NRG1: variants seen among roughly 807,000 people sequenced by gnomAD.
The protein encoded by NRG1 is pro-neuregulin-1, membrane-bound isoform.
NRG1 carries 18 observed loss-of-function variants against 63.8 expected under a neutral mutation model. That is an observed-to-expected ratio of 0.28 (90% CI 0.19 to 0.42). NRG1 has a LOEUF of 0.42. Among genes scored for constraint, NRG1 ranks in the 10% least tolerant of loss-of-function variants. The pLI is 1.00. For missense variants in NRG1, 762 were observed against 814.7 expected (o/e 0.94, Z 0.79); for synonymous variants, 302 against 301.3 (o/e 1.00, Z -0.02).
chr8:32,104,025 C>T (rs1372324679), intron 1 of NRG1, among the ~76,000 whole-genome samples: 1 of 152,082 alleles, frequency 6.6e-6, no homozygotes, highest in Middle Eastern at 3.2e-3. Context: ...TTCTGGATTC[C>T]AAATATAGAC....
chr8:31,775,882 CAAAAA>C (rs71208140), intron 1 of NRG1, among the ~76,000 whole-genome samples: 9 of 72,200 alleles, frequency 1.2e-4, no homozygotes, highest in African/African-American at 4.5e-4. Context: ...GACTCCGTCT[CAAAAA>C]AAAAAAAAAA....
intron 1 of NRG1, among the ~76,000 whole-genome samples, chr8:32,332,514 A>G (rs1802774718): frequency 6.6e-6 from 1 of 152,150 alleles, no homozygotes; most frequent in African/African-American, 2.4e-5. Flanking sequence ...CACCATTACA[A>G]TGCATTATTT....
intron 5 of NRG1, among the ~76,000 whole-genome samples, chr8:32,715,122 A>G (rs1316360465): frequency 6.6e-6 from 1 of 151,990 alleles, no homozygotes; most frequent in Non-Finnish European, 1.5e-5. Flanking sequence ...ATGCTCAGCT[A>G]ATTTTTAAAA....
chr8:32,205,132 T>A (rs557684557), intron 1 of NRG1, among the ~76,000 whole-genome samples: 1 of 152,288 alleles, frequency 6.6e-6, no homozygotes, highest in South Asian at 2.1e-4. Context: ...GGCTTAGAGA[T>A]GTGTAGGAAA....
intron 1 of NRG1, among the ~76,000 whole-genome samples, chr8:31,872,421 C>A (rs370893126): frequency 6.6e-6 from 1 of 152,088 alleles, no homozygotes; most frequent in Non-Finnish European, 1.5e-5. Flanking sequence ...TACTTCCTCA[C>A]GGCAGCCTTG....
chr8:32,331,707 A>G (rs555472295), intron 1 of NRG1, among the ~76,000 whole-genome samples: 1 of 152,336 alleles, frequency 6.6e-6, no homozygotes, highest in African/African-American at 2.4e-5. Flanking sequence ...GTAACAAGTT[A>G]GTGACTGGGT....
At chr8:32,113,219 G>C (rs1307825105) in intron 1 of NRG1, among the ~76,000 whole-genome samples, 1 of 152,206 alleles carries the variant, frequency 6.6e-6, no homozygotes, top group Non-Finnish European at 1.5e-5. Context: ...CTGCTAGCTA[G>C]ATTTAGCCAT....
rs1474082288 is a variant in NRG1 at position 32,263,469 on chromosome 8, GC to G, written c.38-332353del. 2.0e-5 allele frequency among the ~76,000 whole-genome samples: 3 copies of G among 152,194 alleles called. No individual in the cohort carries two copies. In the South Asian group the frequency reaches 6.2e-4, roughly 32 times the overall value. ...ATGGAATTTCATTTCCACAGTGAGA[GC>G]CCCCCATCCTGCTCCCATTGTCAGA... On this transcript the variant is annotated intron_variant, in intron 1 of 10. Transcript: ENST00000519301.
intron 1 of NRG1, among the ~76,000 whole-genome samples, chr8:31,996,251 G>A (rs2129633367): frequency 6.6e-6 from 1 of 151,828 alleles, no homozygotes; most frequent in South Asian, 2.1e-4. Context: ...TTATTTCTAT[G>A]TTCTTTATAT....
intron 1 of NRG1, among the ~76,000 whole-genome samples, chr8:32,328,192 G>A (rs1054841904): frequency 6.6e-6 from 1 of 152,020 alleles, no homozygotes; most frequent in Non-Finnish European, 1.5e-5. Flanking sequence ...ATGCTGTGAG[G>A]GTGTGTGACT....
At chr8:32,436,476 T>A (rs1818802644) in intron 1 of NRG1, among the ~76,000 whole-genome samples, 1 of 152,226 alleles carries the variant, frequency 6.6e-6, no homozygotes, top group South Asian at 2.1e-4. Context: ...TAAGTTGGCT[T>A]TATAGTTATC....
chr8:31,723,425 T>A (rs913226434), intron 1 of NRG1, among the ~76,000 whole-genome samples: 3 of 152,152 alleles, frequency 2.0e-5, no homozygotes, highest in Non-Finnish European at 4.4e-5. Flanking sequence ...TTTCGTGTGA[T>A]TCCTCTCACT....
chr8:31,793,786 A>G lies in NRG1; in HGVS notation c.37+154355A>G, dbSNP rs116090708. 1.3e-3 allele frequency among the ~76,000 whole-genome samples: 198 copies of G among 152,278 alleles called. 2 individuals are homozygous for G. The highest frequency in any genetic ancestry group is 4.4e-3 in the African/African-American group (184 of 41,554). ...CTACTTGTGAGATTTGGGGATGATG[A>G]TGCTTTTTCTATCCTTATCACCATT... On this transcript the variant is annotated intron_variant, in intron 1 of 10. Coordinates refer to the NRG1 transcript ENST00000519301.
intron 1 of NRG1, among the ~76,000 whole-genome samples, chr8:31,913,159 A>G (rs1483980630): frequency 6.6e-6 from 1 of 152,210 alleles, no homozygotes; most frequent in Non-Finnish European, 1.5e-5. Context: ...TAGGTCCATT[A>G]TTTCAATATA....
chr8:32,488,030 G>A (rs932805120), intron 1 of NRG1, among the ~76,000 whole-genome samples: 5 of 152,168 alleles, frequency 3.3e-5, no homozygotes, highest in African/African-American at 4.8e-5. Context: ...TTAGAGCACC[G>A]CAGTCTACCC....
exon 1 of NRG1, chr8:32,548,476 A>G: frequency 8.4e-7 from 1 of 1,189,244 alleles, no homozygotes; most frequent in Non-Finnish European, 1.0e-6. Context: ...CCCATCGACG[A>G]CTTCCCGGGG....
upstream of NRG1, among the ~76,000 whole-genome samples, chr8:32,544,244 G>T (rs550420373): frequency 5.3e-5 from 8 of 152,238 alleles, 1 homozygote; most frequent in African/African-American, 1.7e-4. Flanking sequence ...ACTCTGACTT[G>T]CAAGAGCCTA....
At chr8:31,937,733 T>C (rs2129620611) in intron 1 of NRG1, among the ~76,000 whole-genome samples, 1 of 152,294 alleles carries the variant, frequency 6.6e-6, no homozygotes, top group South Asian at 2.1e-4. Flanking sequence ...GGGTGAGGCC[T>C]GTGATTGCTG....
intron 1 of NRG1, among the ~76,000 whole-genome samples, chr8:32,462,444 G>A (rs1219010572): frequency 6.6e-6 from 1 of 151,928 alleles, no homozygotes. Context: ...AAATACTATA[G>A]GCAAGCAATT....
Sources: allele counts gnomAD v4.1 joint callset (sites outside exome capture counted in the v4.1 genomes callset), GRCh38; gene constraint gnomAD v4.1.1; transcripts MANE v1.5; gene names NCBI Gene and HGNC (gene_info 2026-07-23, HGNC 2026-07-21).